Variants in MISP observed in about 807,000 individuals in gnomAD.
The protein encoded by MISP is mitotic interactor and substrate of PLK1.
Under a neutral mutation model 49.3 loss-of-function variants are expected in MISP, and 51 were observed. That is an observed-to-expected ratio of 1.03 (90% CI 0.83 to 1.31). MISP has a LOEUF of 1.31. Ranked by LOEUF, MISP falls within the 50% of genes most tolerant of loss-of-function variation. The pLI is 0.00. For synonymous variants in MISP, 444 were observed against 392.6 expected (o/e 1.13, Z -1.55); for missense variants, 1,084 against 935.1 (o/e 1.16, Z -2.08).
upstream of MISP, among the ~76,000 whole-genome samples, chr19:749,264 C>T (rs1408268381): frequency 1.3e-5 from 2 of 152,252 alleles, no homozygotes. Flanking sequence ...CCTCAGTTTT[C>T]CCCGATGAGG....
rs1030757964 is a variant in MISP, at chr19:763,428, T to C, written c.1951-73T>C. The C allele has an allele frequency of 1.0e-5, 11 of 1,059,750 alleles. No homozygotes were observed. The African/African-American group carries it at 1.1e-4, about 11-fold the overall frequency. 65.6% of individuals were successfully genotyped at this position (1,059,750 alleles called of 1,614,324 possible). A position where few individuals can be genotyped will look rare whatever the true frequency, so the allele number is the denominator to read the frequency against. ...CCCCGTTCTAGGCCTCTCTAATGAA[T>C]TGGCAGTTGGAGGAGACATCTTGGG... On this transcript the variant is annotated intron_variant, in intron 4 of 4. Transcript: ENST00000215582.
chr19:750,405 G>A (rs1340090175), upstream of MISP, among the ~76,000 whole-genome samples: 2 of 151,904 alleles, frequency 1.3e-5, no homozygotes, highest in Non-Finnish European at 2.9e-5. Context: ...TCGCCATGTT[G>A]GCCAGGCTGG....
rs1478666219 is a variant in MISP at position 760,156 on chromosome 19, C to T, written c.1911+117C>T. 1.4e-5 allele frequency: 16 copies of T among 1,159,522 alleles called. No homozygotes were observed. The East Asian group carries it at 4.1e-4, about 30-fold the overall frequency. The allele number at this position is 1,159,522 out of a possible 1,614,324, so 71.8% of individuals were successfully genotyped here. Reference sequence around the variant, plus strand: ...CCTGGGTTCAAGCACTACCCCCACCCCTGGCCGTGCCTCAGTCTCCTGCAG... The same window carrying T: ...CCTGGGTTCAAGCACTACCCCCACCTCTGGCCGTGCCTCAGTCTCCTGCAG... On this transcript the variant is annotated intron_variant, in intron 3 of 4. Coordinates refer to ENST00000215582, the MANE Select transcript of MISP (RefSeq NM_173481.4).
At position 757,607 on chromosome 19, in the gene MISP, G is replaced by A. The variant is rs2033579185; in HGVS notation, c.661G>A (p.Ala221Thr). ...TAGCTCCCCGGCCAGGGGGACCCCT[G>A]CAGGCACAACCCCAGGGGCCAGCCA... ...PHSSPARGTP[A>T]GTTPGASQAP... Residue 221 changes from alanine to threonine, a missense_variant, in exon 2 of 5, where the codon GCA (alanine) becomes ACA (threonine). By Grantham distance (58) the Ala-to-Thr change is moderately conservative. Coordinates refer to ENST00000215582, the MANE Select transcript of MISP (RefSeq NM_173481.4). The A allele has an allele frequency of 6.2e-7, 1 of 1,612,602 alleles. No homozygotes were observed. Among genetic ancestry groups the A allele is most frequent in the African/African-American group, 1.3e-5 (1 of 75,044 alleles).
chr19:752,623 C>T (rs1342238033), intron 1 of MISP, among the ~76,000 whole-genome samples: 1 of 152,134 alleles, frequency 6.6e-6, no homozygotes, highest in Non-Finnish European at 1.5e-5. Flanking sequence ...AGGCCCCACC[C>T]GCTGGCTTCA....
intron 1 of MISP, among the ~76,000 whole-genome samples, chr19:753,348 G>A (rs1397758199): frequency 6.6e-6 from 1 of 151,194 alleles, no homozygotes; most frequent in Non-Finnish European, 1.5e-5. Context: ...CCACTTTCCA[G>A]TTCAGAGAGG....
chr19:763,972 G>T lies in MISP; in HGVS notation c.*382G>T. The T allele has an allele frequency of 5.3e-6, 1 of 187,622 alleles. No homozygotes were observed. Among genetic ancestry groups the T allele is most frequent in the South Asian group, 1.1e-4 (1 of 9,450 alleles). 11.6% of individuals were successfully genotyped at this position (187,622 alleles called of 1,614,324 possible). ...GGGACCGGTCAAAGAGGGTGGCACA[G>T]ATCGCAGCACCTTGAGGGGCTGCGG... On this transcript the variant is annotated 3_prime_UTR_variant, in exon 5 of 5. Coordinates refer to ENST00000215582, the MANE Select transcript of MISP (RefSeq NM_173481.4).
upstream of MISP, among the ~76,000 whole-genome samples, chr19:748,773 G>A (rs983859976): frequency 2.6e-5 from 4 of 152,192 alleles, no homozygotes; most frequent in Admixed American, 2.6e-4. Flanking sequence ...TGCCCCGCCA[G>A]CCCCACTCTC....
Position 758,097 on chromosome 19 carries a change from G to T in MISP, c.1151G>T (p.Gly384Val), listed in dbSNP as rs749614586. 1 of 1,592,546 alleles carries T rather than the reference G, an allele frequency of 6.3e-7. No individual in the cohort carries two copies. The highest frequency in any genetic ancestry group is 1.3e-5 in the African/African-American group (1 of 74,680). The change falls in exon 2 of 5, where the codon GGT (glycine) becomes GTT (valine). Residue 384 changes from glycine (G) to valine (V), a missense_variant. Physicochemically the swap from Gly to Val is moderately radical, Grantham distance 109. Coordinates refer to ENST00000215582, the MANE Select transcript of MISP (RefSeq NM_173481.4). ...TCCACACCCGACTGGGTCTCGGAGGGTCCCCAGCCCGGACTCCGGAGAGCC... is the reference window on the plus strand; with the variant it reads ...TCCACACCCGACTGGGTCTCGGAGGTTCCCCAGCCCGGACTCCGGAGAGCC... ...RASTPDWVSEGPQPGLRRALS... is the reference protein window; with the variant it reads ...RASTPDWVSEVPQPGLRRALS...
At chr19:759,726 T>C (rs1453397073) in intron 2 of MISP, among the ~76,000 whole-genome samples, 183 bp from the exon 3 acceptor site, 1 of 152,178 alleles carries the variant, frequency 6.6e-6, no homozygotes, top group Non-Finnish European at 1.5e-5. Flanking sequence ...ACCTTGCATG[T>C]CGGCCCATCT....
intron 3 of MISP, 102 bp from the exon 4 acceptor site, chr19:761,523 C>T (rs2033671517): frequency 1.5e-5 from 21 of 1,375,764 alleles, no homozygotes; most frequent in Non-Finnish European, 2.2e-5. Context: ...GCCTTCCACT[C>T]TTCCCCAAAT....
Position 756,904 on chromosome 19 carries a change from T to C in MISP, c.-43T>C, listed in dbSNP as rs559309265. ...TCCTCCCTCAGTAAGCCCAGAGGTC[T>C]CCACCCCACGGGAGGAAGGCTGAGG... On this transcript the variant is annotated 5_prime_UTR_variant, in exon 2 of 5. Transcript: ENST00000215582. 225 of 1,454,774 alleles carry C rather than the reference T, an allele frequency of 1.5e-4. No individual in the cohort carries two copies. Among genetic ancestry groups the C allele is most frequent in the Admixed American group, 4.5e-4 (18 of 39,980 alleles). 90.1% of individuals were successfully genotyped at this position (1,454,774 alleles called of 1,614,324 possible).
In MISP at chr19:757,868, C is replaced by T. The variant is rs201898919; in HGVS notation, c.922C>T (p.Arg308Ter). Residue 308 changes from arginine to a stop codon, truncating the protein, a stop_gained, in exon 2 of 5, where the codon CGA (arginine) becomes TGA (stop). Coordinates refer to ENST00000215582, the MANE Select transcript of MISP (RefSeq NM_173481.4). LOFTEE classifies it high-confidence loss of function. ...GGCTCAGGAGCGTGAGGCAGACCTG[C>T]GAGAGCAGAGGGGGCTTCGGCAGGC... ...RLAQEREADL[R>*]EQRGLRQATD... 5.1e-4 allele frequency: 815 copies of T among 1,609,788 alleles called. 1 individual carries two copies. The highest frequency in any genetic ancestry group is 6.7e-4 in the Non-Finnish European group (785 of 1,179,720).
chr19:758,400 C>T lies in MISP; in HGVS notation c.1454C>T (p.Ser485Leu), dbSNP rs750608364. 5.9e-5 allele frequency: 95 copies of T among 1,614,078 alleles called. No homozygotes were observed. The highest frequency in any genetic ancestry group is 1.6e-4 in the Middle Eastern group (1 of 6,084). ...CCCCTGAGCACAAAGCAAGAGGCAT[C>T]GAAGCCCCCTCGGGGATGCCCGCAA... ...GKPLSTKQEA[S>L]KPPRGCPQAN... Residue 485 changes from serine to leucine, a missense_variant, in exon 2 of 5, where the codon TCG (serine) becomes TTG (leucine). Physicochemically the swap from Ser to Leu is moderately radical, Grantham distance 145 (BLOSUM62 -2). Transcript: ENST00000215582.
chr19:757,291 C>A lies in MISP; in HGVS notation c.345C>A (p.Asp115Glu), dbSNP rs777876767. ...CAACATGGGCACTCCGCCCAGAGGA[C>A]GGGGAGGACAAGGAGATGAAGACCT... Reference protein sequence around the residue: ...GRPTWALRPEDGEDKEMKTYR... With the variant: ...GRPTWALRPEEGEDKEMKTYR... Residue 115 changes from aspartate (D) to glutamate (E), a missense_variant, in exon 2 of 5, where the codon GAC (aspartate) becomes GAA (glutamate). Physicochemically the swap from Asp to Glu is conservative, Grantham distance 45 (BLOSUM62 2). Transcript: ENST00000215582. 15 of 1,614,028 alleles carry A rather than the reference C, an allele frequency of 9.3e-6. No homozygotes were observed. The highest frequency in any genetic ancestry group is 1.2e-5 in the Non-Finnish European group (14 of 1,179,988).
chr19:761,006 C>CCTTTT (rs1256009478), intron 3 of MISP, among the ~76,000 whole-genome samples: 1 of 151,016 alleles, frequency 6.6e-6, no homozygotes, highest in African/African-American at 2.4e-5. Context: ...GATGAGAGCT[C>CCTTTT]CTTTTGTCAG....
intron 3 of MISP, among the ~76,000 whole-genome samples, chr19:760,852 A>C (rs1397653524): frequency 1.3e-5 from 2 of 151,972 alleles, no homozygotes; most frequent in African/African-American, 4.8e-5. Flanking sequence ...TGGTGGTCTC[A>C]CATGCCCAGG....
At chr19:759,779 C>A in intron 2 of MISP, 130 bp from the exon 3 acceptor site, 1 of 1,051,092 alleles carries the variant, frequency 9.5e-7, no homozygotes, top group Non-Finnish European at 1.4e-6. Context: ...GTCAATCTGT[C>A]AGTTTCCCGG....
At chr19:763,430 G>T (rs2033706080) in intron 4 of MISP, 71 bp from the exon 5 acceptor site, 1 of 1,079,298 alleles carries the variant, frequency 9.3e-7, no homozygotes, top group Non-Finnish European at 1.4e-6. Context: ...CTAATGAATT[G>T]GCAGTTGGAG....
Sources: gnomAD v4.1 joint callset for allele counts (sites outside exome capture counted in the v4.1 genomes callset) on GRCh38, gnomAD v4.1.1 for gene constraint, MANE v1.5 for transcripts, NCBI Gene and HGNC (gene_info 2026-07-23, HGNC 2026-07-21) for gene names.